The following ATP10A variants were observed in gnomAD, a reference collection of about 807,000 sequenced individuals.
ATP10A encodes the protein phospholipid-transporting ATPase VA.
ATP10A carries 111 observed loss-of-function variants against 147.8 expected under a neutral mutation model. That is an observed-to-expected ratio of 0.75 (90% CI 0.64 to 0.88). ATP10A has a LOEUF of 0.88. ATP10A is among the 40% of genes least tolerant of loss of function. The probability of loss-of-function intolerance (pLI) is 0.00; values close to 1 mark genes in which losing one functional copy is unlikely to be tolerated. For synonymous variants in ATP10A, 875 were observed against 841.6 expected, an observed-to-expected ratio of 1.04 and a Z score of -0.69; for missense variants, 1,927 against 1,959.0, an observed-to-expected ratio of 0.98 and a Z score of 0.31.
At chr15:25,784,578 TG>T (rs1259272737) in intron 1 of ATP10A, among the ~76,000 whole-genome samples, 8 of 152,032 alleles carry the variant, frequency 5.3e-5, no homozygotes, top group Non-Finnish European at 1.2e-4. Context: ...TCCTGGTTTG[TG>T]GGAGTGGGGG....
At chr15:25,819,343 C>A (rs568213258) in intron 1 of ATP10A, among the ~76,000 whole-genome samples, 122 of 152,218 alleles carry the variant, frequency 8.0e-4, no homozygotes, top group Middle Eastern at 3.4e-3. Flanking sequence ...CACTAATCAT[C>A]AAAGAGATGC....
intron 17 of ATP10A, among the ~76,000 whole-genome samples, chr15:25,682,536 T>C (rs968011942): frequency 6.6e-6 from 1 of 152,120 alleles, no homozygotes; most frequent in African/African-American, 2.4e-5. Context: ...CCCAGCGTCT[T>C]TGTCCCACAG....
rs1310399350 is a variant in ATP10A at position 25,708,118 on chromosome 15, T to C, written c.2449-16A>G. ...TACTCAGAACCTATGGGAGATACAT[T>C]GTTGAGTGCTGCACCGGGCGCTGCT... On this transcript the variant is annotated splice_polypyrimidine_tract_variant and intron_variant, in intron 11 of 20. Transcript: ENST00000555815. 1 of 1,613,188 alleles carries C rather than the reference T, an allele frequency of 6.2e-7. No homozygotes were observed.
At position 25,679,498 on chromosome 15, in the gene ATP10A, C is replaced by T; in HGVS notation, c.4343G>A (p.Ser1448Asn). 1 of 1,613,858 alleles carries T rather than the reference C, an allele frequency of 6.2e-7. No homozygotes were observed. ...LNWISSWSLV[S>N]RLGSVLQFSR... ...GAACTGTAAGACACTCCCCAGCCTGCTGACCAGCGACCAGGAGGAAATCCA... is the reference window on the plus strand; with the variant it reads ...GAACTGTAAGACACTCCCCAGCCTGTTGACCAGCGACCAGGAGGAAATCCA... The change falls in exon 21 of 21, where the codon AGC (serine) becomes AAC (asparagine). Residue 1448 changes from serine (S) to asparagine (N), a missense_variant. Physicochemically the swap from Ser to Asn is conservative, Grantham distance 46. Transcript: ENST00000555815.
At chr15:25,689,759 T>A (rs1479031382) in intron 15 of ATP10A, among the ~76,000 whole-genome samples, 1 of 152,224 alleles carries the variant, frequency 6.6e-6, no homozygotes, top group Admixed American at 6.5e-5. Context: ...GCACCTGCCC[T>A]ATGGCTCAGC....
At chr15:25,707,859 TG>T in intron 12 of ATP10A, 116 bp downstream of exon 12, 24 of 1,401,116 alleles carry the variant, frequency 1.7e-5, no homozygotes, top group Non-Finnish European at 2.0e-5. Context: ...TCCTGCCAGG[TG>T]GCTCCCTAAC....
At chr15:25,750,122 C>T (rs1051305929) in intron 2 of ATP10A, among the ~76,000 whole-genome samples, 2 of 151,598 alleles carry the variant, frequency 1.3e-5, no homozygotes, top group Non-Finnish European at 2.9e-5. Flanking sequence ...CTCAAACCCC[C>T]AAATTATGAA....
chr15:25,821,754 C>T (rs896424565), intron 1 of ATP10A, among the ~76,000 whole-genome samples: 37 of 152,110 alleles, frequency 2.4e-4, no homozygotes, highest in African/African-American at 8.7e-4. Flanking sequence ...TATTTCATGG[C>T]GTAGGAAACA....
chr15:25,679,806 C>T lies in ATP10A; in HGVS notation c.4035G>A (p.Lys1345=). 6.2e-7 allele frequency: 1 copy of T among 1,612,566 alleles called. No individual in the cohort carries two copies. Among genetic ancestry groups the T allele is most frequent in the South Asian group, 1.1e-5 (1 of 91,080 alleles). The change falls in exon 21 of 21, where the codon AAG becomes AAA. Residue 1345 remains lysine (K), a synonymous_variant. Transcript: ENST00000555815. The part of the protein sequence containing the change: ...GTEHSSGRTV[K]TSVPLSQPSW... ...AAGGCTGGGACAGGGGCACAGAGGT[C>T]TTGACTGTCCTCCCTGATGAGTGCT...
At chr15:25,811,070 C>T (rs891749881) in intron 1 of ATP10A, among the ~76,000 whole-genome samples, 1 of 152,200 alleles carries the variant, frequency 6.6e-6, no homozygotes, top group African/African-American at 2.4e-5. Flanking sequence ...AATTTTACTT[C>T]CTTGCATTGA....
chr15:25,706,246 G>A lies in ATP10A; in HGVS notation c.2575+1730C>T, dbSNP rs118007357. On this transcript the variant is annotated intron_variant, in intron 12 of 20. Transcript: ENST00000555815. ...ATATGTTAACAGAGCTGCAGCATCC[G>A]GGCCAAGAGAGGTGACCGATGCACG... is the stretch of plus-strand genomic sequence containing the variant. 1.7e-3 allele frequency among the ~76,000 whole-genome samples: 261 copies of A among 152,276 alleles called. 2 individuals are homozygous for A. The highest frequency in any genetic ancestry group is 2.9e-3 in the South Asian group (14 of 4,822).
chr15:25,728,383 A>G (rs1012929984), intron 3 of ATP10A, among the ~76,000 whole-genome samples: 1 of 152,234 alleles, frequency 6.6e-6, no homozygotes, highest in African/African-American at 2.4e-5. Flanking sequence ...CAGTGGGGCC[A>G]CTCAAGGGCC....
At chr15:25,719,925 C>T (rs1902107120) in intron 7 of ATP10A, among the ~76,000 whole-genome samples, 1 of 152,160 alleles carries the variant, frequency 6.6e-6, no homozygotes, top group East Asian at 1.9e-4. Flanking sequence ...CATAAGATAA[C>T]TGGCTGATGA....
At chr15:25,795,628 C>T (rs1890637108) in intron 1 of ATP10A, among the ~76,000 whole-genome samples, 2 of 152,320 alleles carry the variant, frequency 1.3e-5, no homozygotes, top group South Asian at 4.1e-4. Context: ...CAGACAGGTA[C>T]TAGCACTAAG....
chr15:25,696,864 T>C (rs886681437), intron 13 of ATP10A, among the ~76,000 whole-genome samples: 1 of 152,238 alleles, frequency 6.6e-6, no homozygotes, highest in Non-Finnish European at 1.5e-5. Flanking sequence ...ACCGTGGCTA[T>C]GCAGGAATGG....
At chr15:25,723,001 G>A (rs1262892366) in intron 6 of ATP10A, among the ~76,000 whole-genome samples, 1 of 152,168 alleles carries the variant, frequency 6.6e-6, no homozygotes, top group Non-Finnish European at 1.5e-5. Context: ...AGGAGAAAAA[G>A]CACATTTATG....
intron 9 of ATP10A, among the ~76,000 whole-genome samples, chr15:25,715,329 G>A (rs1398268461): frequency 6.6e-6 from 1 of 152,128 alleles, no homozygotes; most frequent in Non-Finnish European, 1.5e-5. Flanking sequence ...GTCCTCGAAG[G>A]TGGCGCTCAC....
At chr15:25,854,748 T>G (rs1893434344) in intron 1 of ATP10A, among the ~76,000 whole-genome samples, 1 of 152,162 alleles carries the variant, frequency 6.6e-6, no homozygotes, top group Non-Finnish European at 1.5e-5. Flanking sequence ...ATACCAAATC[T>G]TCACAAAATC....
intron 1 of ATP10A, among the ~76,000 whole-genome samples, chr15:25,790,371 G>C (rs980664107): frequency 3.3e-5 from 5 of 152,208 alleles, no homozygotes; most frequent in African/African-American, 1.2e-4. Flanking sequence ...CCAGATGTGT[G>C]GAAGCACATG....
Sources: allele counts gnomAD v4.1 joint callset (sites outside exome capture counted in the v4.1 genomes callset), GRCh38; gene constraint gnomAD v4.1.1; transcripts MANE v1.5; gene names NCBI Gene and HGNC (gene_info 2026-07-23, HGNC 2026-07-21).